The following LRFN5 variants were observed in gnomAD, a reference collection of about 807,000 sequenced individuals.
LRFN5 encodes the protein leucine rich repeat and fibronectin type III domain containing 5, also known as leucine-rich repeat and fibronectin type-III domain-containing protein 5.
Under a neutral mutation model 45.6 loss-of-function variants are expected in LRFN5, and 24 were observed. The ratio of observed to expected loss-of-function variants is 0.53; its 90% confidence interval spans 0.38 to 0.74. The LOEUF is 0.74. Ranked by LOEUF, LRFN5 falls within the 30% of genes least tolerant of loss-of-function variation. LRFN5 has a pLI of 0.00. For missense variants in LRFN5, 776 were observed against 861.5 expected (o/e 0.90, Z 1.24); for synonymous variants, 340 against 313.8 (o/e 1.08, Z -0.88).
chr14:41,732,230 C>T (rs1035368185), intron 1 of LRFN5, among the ~76,000 whole-genome samples: 1 of 152,042 alleles, frequency 6.6e-6, no homozygotes, highest in Admixed American at 6.6e-5. Context: ...AAATGACTCT[C>T]AAATATCAGG....
At chr14:41,802,655 T>G (rs1374346112) in intron 2 of LRFN5, among the ~76,000 whole-genome samples, 1 of 152,188 alleles carries the variant, frequency 6.6e-6, no homozygotes, top group African/African-American at 2.4e-5. Flanking sequence ...CTTTAAATTT[T>G]ACATGCAAAC....
intron 2 of LRFN5, among the ~76,000 whole-genome samples, chr14:41,810,930 G>GT (rs1887714279): frequency 1.6e-5 from 1 of 62,674 alleles, no homozygotes; most frequent in East Asian, 1.6e-3. Context: ...TGATGGTTGT[G>GT]GTTTTTTTAT....
intron 2 of LRFN5, among the ~76,000 whole-genome samples, chr14:41,882,271 G>A (rs1363137055): frequency 1.3e-5 from 2 of 151,838 alleles, no homozygotes; most frequent in South Asian, 4.1e-4. Context: ...CACAGTCTAC[G>A]AAGGTGGAAA....
At chr14:41,730,810 T>G (rs1884140229) in intron 1 of LRFN5, among the ~76,000 whole-genome samples, 1 of 151,928 alleles carries the variant, frequency 6.6e-6, no homozygotes, top group African/African-American at 2.4e-5. Flanking sequence ...TATGGTTTTG[T>G]TAACAAAAGA....
At chr14:41,808,234 G>GGAAGGAAGGAAT (rs1446806210) in intron 2 of LRFN5, among the ~76,000 whole-genome samples, 11 of 111,598 alleles carry the variant, frequency 9.9e-5, no homozygotes, top group East Asian at 7.8e-4. Context: ...AAGGAAGGAA[G>GGAAGGAAGGAAT]GAATTGAGGG....
rs1362107343 is a variant in LRFN5, at chr14:41,824,714, G to A, written c.-21+57685G>A. Among the ~76,000 whole-genome samples, 3 of 152,098 alleles carry A rather than the reference G, an allele frequency of 2.0e-5. No homozygotes were observed. In the East Asian group the frequency reaches 5.8e-4, roughly 29 times the overall value. On this transcript the variant is annotated intron_variant, in intron 2 of 5. Transcript: ENST00000298119. ...GACCTCTCTGTTGTCTCAGGCAGTGGGGTGTTCTGTGGAATGCATGCCTGA... is the reference window on the plus strand; with the variant it reads ...GACCTCTCTGTTGTCTCAGGCAGTGAGGTGTTCTGTGGAATGCATGCCTGA...
chr14:41,868,869 T>C (rs554430619), intron 2 of LRFN5, among the ~76,000 whole-genome samples: 1 of 152,188 alleles, frequency 6.6e-6, no homozygotes, highest in South Asian at 2.1e-4. Context: ...GTGTAGAAAT[T>C]GAACATGCCA....
chr14:41,695,264 G>A (rs954838078), intron 1 of LRFN5, among the ~76,000 whole-genome samples: 2 of 151,936 alleles, frequency 1.3e-5, no homozygotes, highest in Admixed American at 1.3e-4. Flanking sequence ...ATTTGTTCAT[G>A]AGACTTATAG....
chr14:41,794,749 A>G (rs2138953451), intron 2 of LRFN5, among the ~76,000 whole-genome samples: 1 of 152,146 alleles, frequency 6.6e-6, no homozygotes, highest in African/African-American at 2.4e-5. Flanking sequence ...AAATTGTAGA[A>G]GATGCACTTT....
intron 1 of LRFN5, among the ~76,000 whole-genome samples, chr14:41,703,909 C>T (rs61171257): frequency 0.024 from 3,689 of 152,028 alleles, 43 homozygotes; most frequent in Middle Eastern, 0.037. Flanking sequence ...TCATATTTAA[C>T]AATGTCAAGC....
intron 2 of LRFN5, among the ~76,000 whole-genome samples, chr14:41,833,709 AT>A (rs1408622165): frequency 2.0e-5 from 3 of 152,154 alleles, no homozygotes; most frequent in Non-Finnish European, 2.9e-5. Flanking sequence ...GCAACATCCA[AT>A]TTATTATTTA....
chr14:41,624,067 G>T (rs1223315742), intron 1 of LRFN5, among the ~76,000 whole-genome samples: 1 of 151,946 alleles, frequency 6.6e-6, no homozygotes, highest in Admixed American at 6.6e-5. Context: ...CAGTTCCTAC[G>T]CCTCTACAAC....
At chr14:41,835,321 T>C (rs1888623483) in intron 2 of LRFN5, among the ~76,000 whole-genome samples, 1 of 152,198 alleles carries the variant, frequency 6.6e-6, no homozygotes, top group Admixed American at 6.5e-5. Context: ...TCTTTGGCTA[T>C]AGGCTAAAAA....
chr14:41,782,974 CT>C (rs57305924), intron 2 of LRFN5, among the ~76,000 whole-genome samples: 4 of 127,624 alleles, frequency 3.1e-5, no homozygotes, highest in African/African-American at 8.8e-5. Flanking sequence ...GGTGATACAG[CT>C]TTTTTTTTTT....
intron 1 of LRFN5, among the ~76,000 whole-genome samples, chr14:41,653,817 G>T (rs1216140371): frequency 6.6e-6 from 1 of 152,088 alleles, no homozygotes; most frequent in Non-Finnish European, 1.5e-5. Context: ...AGCAGAAAAG[G>T]GGAGAAGTCA....
intron 2 of LRFN5, among the ~76,000 whole-genome samples, chr14:41,846,570 T>G (rs1889075672): frequency 6.6e-6 from 1 of 152,158 alleles, no homozygotes. Context: ...CTGGAATTTC[T>G]GTTTCTTAAT....
In LRFN5 at chr14:41,840,094, C is replaced by T. The variant is rs183422376; in HGVS notation, c.-20-46512C>T. On this transcript the variant is annotated intron_variant, in intron 2 of 5. Transcript: ENST00000298119. ...CTGTGGAAGGCAACTTGGAAATTTT[C>T]GTTAATTAAAGAAGATCATTCTTGT... Among the ~76,000 whole-genome samples the T allele has an allele frequency of 2.9e-3, 440 of 152,082 alleles. 3 individuals are homozygous for T. The highest frequency in any genetic ancestry group is 6.8e-3 in the Middle Eastern group (2 of 294).
At chr14:41,717,350 A>G (rs1883534068) in intron 1 of LRFN5, among the ~76,000 whole-genome samples, 1 of 152,200 alleles carries the variant, frequency 6.6e-6, no homozygotes, top group African/African-American at 2.4e-5. Flanking sequence ...TACTGAACAT[A>G]TTGAGGAAAG....
chr14:41,879,893 T>C (rs1012497241), intron 2 of LRFN5, among the ~76,000 whole-genome samples: 1 of 150,194 alleles, frequency 6.7e-6, no homozygotes, highest in African/African-American at 2.4e-5. Flanking sequence ...TTTTCTTAAT[T>C]ATCTTGCAGG....
Sources: allele counts gnomAD v4.1 joint callset (sites outside exome capture counted in the v4.1 genomes callset), GRCh38; gene constraint gnomAD v4.1.1; transcripts MANE v1.5; gene names NCBI Gene and HGNC (gene_info 2026-07-23, HGNC 2026-07-21).